The following NNT variants were observed in gnomAD, a reference collection of about 807,000 sequenced individuals.
NNT encodes nicotinamide nucleotide transhydrogenase, also known as NAD(P) transhydrogenase, mitochondrial.
NNT carries 50 observed loss-of-function variants against 104.8 expected under a neutral mutation model. That is an observed-to-expected ratio of 0.48 (90% CI 0.38 to 0.60). The LOEUF (loss-of-function observed/expected upper bound fraction) is 0.60. Ranked by LOEUF, NNT falls within the 20% of genes least tolerant of loss-of-function variation. NNT has a pLI of 0.00. For synonymous variants in NNT, 461 were observed against 490.4 expected (o/e 0.94, Z 0.79); for missense variants, 1,131 against 1,330.7 (o/e 0.85, Z 2.33).
Position 43,707,154 on chromosome 5 carries a change from G to T in NNT, c.*2750G>T, listed in dbSNP as rs1473508581. The T allele has an allele frequency of 6.6e-6, 1 of 150,890 alleles. No homozygotes were observed. The allele number at this position is 150,890 out of a possible 1,614,324, so 9.3% of individuals were successfully genotyped here. ...AAAGAAAACAGAAGCTATTTATAAA[G>T]AAGTTATTTGCTGAAATAAATGTGA... On this transcript the variant is annotated 3_prime_UTR_variant, in exon 22 of 22. Transcript: ENST00000344920.
chr5:43,661,579 G>A (rs1740363401), intron 17 of NNT, among the ~76,000 whole-genome samples: 2 of 95,610 alleles, frequency 2.1e-5, no homozygotes, highest in Admixed American at 1.6e-4. Context: ...CCCCACCACA[G>A]TCCCCAGAGT....
Position 43,645,491 on chromosome 5 carries a change from G to A in NNT, c.1425G>A (p.Thr475=), listed in dbSNP as rs1420619107. 4 of 1,550,328 alleles carry A rather than the reference G, an allele frequency of 2.6e-6. No individual in the cohort carries two copies. Among genetic ancestry groups the A allele is most frequent in the African/African-American group, 1.4e-5 (1 of 72,268 alleles). The change falls in exon 10 of 22, where the codon ACG becomes ACA. Residue 475 remains threonine, a synonymous_variant. Coordinates refer to ENST00000344920, the MANE Select transcript of NNT (RefSeq NM_182977.3). ...CACCCTTCAGGAAGACAATGTCAAC[G>A]GCTTCTGCATATACAGCAGGTGAGG... ...TITPFRKTMS[T]ASAYTAGLTG...
chr5:43,703,330 C>A (rs191605219), intron 21 of NNT, among the ~76,000 whole-genome samples: 1 of 152,292 alleles, frequency 6.6e-6, no homozygotes, highest in East Asian at 1.9e-4. Context: ...TACTGAGTCA[C>A]CTCTGCATTT....
chr5:43,620,438 TC>T (rs1750023309), intron 5 of NNT, among the ~76,000 whole-genome samples: 1 of 152,066 alleles, frequency 6.6e-6, no homozygotes, highest in African/African-American at 2.4e-5. Context: ...GCGAGGATGG[TC>T]TCGAACTCTT....
In NNT at chr5:43,700,145, G is replaced by A. The variant is rs1332177629; in HGVS notation, c.2903G>A (p.Arg968Gln). Reference protein sequence around the residue: ...VRFGIHPVAGRMPGQLNVLLA... With the variant: ...VRFGIHPVAGQMPGQLNVLLA... ...TTTGGAATTCACCCAGTTGCAGGCCGAATGCCTGGTCAGCTTAATGTGCTG... is the reference window on the plus strand; with the variant it reads ...TTTGGAATTCACCCAGTTGCAGGCCAAATGCCTGGTCAGCTTAATGTGCTG... The change falls in exon 20 of 22, where the codon CGA (arginine) becomes CAA (glutamine). Residue 968 changes from arginine (R) to glutamine (Q), a missense_variant. Physicochemically the swap from Arg to Gln is conservative, Grantham distance 43. Coordinates refer to ENST00000344920, the MANE Select transcript of NNT (RefSeq NM_182977.3). The A allele has an allele frequency of 3.1e-6, 5 of 1,612,186 alleles. No individual in the cohort carries two copies. The highest frequency in any genetic ancestry group is 1.1e-5 in the South Asian group (1 of 90,762).
At position 43,613,037 on chromosome 5, in the gene NNT, G is replaced by A; in HGVS notation, c.281G>A (p.Gly94Asp). The change falls in exon 3 of 22, where the codon GGT becomes GAT. Residue 94 changes from glycine to aspartate, a missense_variant. Physicochemically the swap from Gly to Asp is moderately conservative, Grantham distance 94. Transcript: ENST00000344920. ...KQGFNVVVES[G>D]AGEASKFSDD... ...GGTTTTAATGTTGTCGTGGAATCGGGTGCGGGCGAAGCTTCCAAGTTCTCA... is the reference window on the plus strand; with the variant it reads ...GGTTTTAATGTTGTCGTGGAATCGGATGCGGGCGAAGCTTCCAAGTTCTCA... The A allele has an allele frequency of 1.9e-6, 3 of 1,614,140 alleles. No homozygotes were observed. The highest frequency in any genetic ancestry group is 8.5e-7 in the Non-Finnish European group (1 of 1,180,036).
Position 43,644,715 on chromosome 5 carries a change from G to A in NNT, c.1203G>A (p.Pro401=), listed in dbSNP as rs761508298. 2.0e-5 allele frequency: 32 copies of A among 1,613,978 alleles called. No individual in the cohort carries two copies. Among genetic ancestry groups the A allele is most frequent in the South Asian group, 1.4e-4 (13 of 91,084 alleles). ...NITKLLKAIS[P]DKDNFYFDVK... is the part of the protein sequence containing the mutation. ...CCAAACTCCTGAAGGCCATCAGCCC[G>A]GACAAAGATAATTTTTATTTTGATG... Residue 401 remains proline (P), a synonymous_variant, in exon 9 of 22, where the codon CCG becomes CCA. Coordinates refer to ENST00000344920, the MANE Select transcript of NNT (RefSeq NM_182977.3).
intron 19 of NNT, among the ~76,000 whole-genome samples, chr5:43,694,795 G>A (rs975975314): frequency 6.8e-6 from 1 of 146,060 alleles, no homozygotes; most frequent in East Asian, 2.2e-4. Context: ...ACAGATTTTG[G>A]TATCAGAATG....
At chr5:43,642,631 TCCAA>T (rs1751299250) in intron 7 of NNT, among the ~76,000 whole-genome samples, 1 of 152,074 alleles carries the variant, frequency 6.6e-6, no homozygotes, top group Non-Finnish European at 1.5e-5. Flanking sequence ...TAGAAGAAGG[TCCAA>T]TGGTGCAGTT....
At chr5:43,603,044 C>T (rs758112263), upstream of NNT, 1 of 152,014 alleles carries the variant, frequency 6.6e-6, no homozygotes, top group Non-Finnish European at 1.5e-5. Context: ...TTCGTGAGGT[C>T]GCCTTTTGGT....
intron 2 of NNT, among the ~76,000 whole-genome samples, chr5:43,610,997 G>A (rs757821964): frequency 1.2e-4 from 19 of 152,022 alleles, no homozygotes; most frequent in Non-Finnish European, 2.8e-4. Flanking sequence ...ATTGAAAAGT[G>A]TAGTAAGTAA....
intron 7 of NNT, among the ~76,000 whole-genome samples, chr5:43,634,280 C>T (rs1359922935): frequency 1.3e-5 from 2 of 152,078 alleles, no homozygotes; most frequent in African/African-American, 2.4e-5. Context: ...ATTTATCTTT[C>T]ATATGGAGTG....
intron 16 of NNT, among the ~76,000 whole-genome samples, chr5:43,658,941 G>GT (rs753220741): frequency 3.3e-5 from 5 of 151,950 alleles, no homozygotes; most frequent in African/African-American, 1.2e-4. Flanking sequence ...ACTGAAAAGT[G>GT]TTTTTTTAAA....
chr5:43,610,754 TG>T (rs1286125721), intron 2 of NNT, among the ~76,000 whole-genome samples: 8 of 152,188 alleles, frequency 5.3e-5, no homozygotes, highest in Non-Finnish European at 8.8e-5. Context: ...TAAATTGCTC[TG>T]GAAAGCCAGA....
chr5:43,680,267 G>A (rs1741632710), intron 19 of NNT, among the ~76,000 whole-genome samples: 1 of 152,016 alleles, frequency 6.6e-6, no homozygotes, highest in Non-Finnish European at 1.5e-5. Context: ...ATAGATGCTA[G>A]CTTTTTTCCT....
rs1743108314 is a variant in NNT, at chr5:43,706,902, TA to T, written c.*2499del. 6.6e-6 allele frequency: 1 copy of T among 152,130 alleles called. No homozygotes were observed. Among genetic ancestry groups the T allele is most frequent in the African/African-American group, 2.4e-5 (1 of 41,364 alleles). 9.4% of individuals were successfully genotyped at this position (152,130 alleles called of 1,614,324 possible). On this transcript the variant is annotated 3_prime_UTR_variant, in exon 22 of 22. Transcript: ENST00000344920. ...ACCAAACACTGCATGTTCTCACTCA[TA>T]GGTGGGAATTGAACAATGAGAACAC...
intron 18 of NNT, among the ~76,000 whole-genome samples, chr5:43,676,050 T>C (rs1387383020): frequency 6.6e-6 from 1 of 152,194 alleles, no homozygotes; most frequent in Non-Finnish European, 1.5e-5. Context: ...ATAAATGTTG[T>C]TTTTTCAAAA....
chr5:43,691,036 T>A (rs1478298750), intron 19 of NNT, among the ~76,000 whole-genome samples: 2 of 152,208 alleles, frequency 1.3e-5, no homozygotes, highest in Non-Finnish European at 2.9e-5. Flanking sequence ...TTTGCCTTTT[T>A]TTCTGGCCAA....
chr5:43,617,204 T>C (rs948054159), intron 4 of NNT, among the ~76,000 whole-genome samples: 1 of 152,234 alleles, frequency 6.6e-6, no homozygotes, highest in Non-Finnish European at 1.5e-5. Context: ...GATTCTGAAA[T>C]ACACATATGT....
Sources: allele counts gnomAD v4.1 joint callset (sites outside exome capture counted in the v4.1 genomes callset), GRCh38; gene constraint gnomAD v4.1.1; transcripts MANE v1.5; gene names NCBI Gene and HGNC (gene_info 2026-07-23, HGNC 2026-07-21).